The following DGKI variants were observed in gnomAD, a reference collection of about 807,000 sequenced individuals.
DGKI encodes diacylglycerol kinase iota.
DGKI carries 55 observed loss-of-function variants against 147.5 expected under a neutral mutation model. That is an observed-to-expected ratio of 0.37 (90% CI 0.30 to 0.47). DGKI has a LOEUF of 0.47. Ranked by LOEUF, DGKI falls within the 20% of genes least tolerant of loss-of-function variation. The pLI is 1.00. For synonymous variants in DGKI, 469 were observed against 477.1 expected (o/e 0.98, Z 0.22); for missense variants, 1,007 against 1,323.8 (o/e 0.76, Z 3.71).
chr7:137,455,395 G>A (rs1172191286), intron 27 of DGKI, among the ~76,000 whole-genome samples: 2 of 152,036 alleles, frequency 1.3e-5, no homozygotes, highest in African/African-American at 2.4e-5. Flanking sequence ...AAATGGGCTC[G>A]ACAGACTGTG....
Position 137,381,790 on chromosome 7 carries a change from G to A in DGKI, c.*9430C>T, listed in dbSNP as rs999616032. ...TTTTGGCCCCTGACTTTTCAAAGAT[G>A]TGTTTTGCAAAATATTCTGTTGTGT... On this transcript the variant is annotated 3_prime_UTR_variant, in exon 33 of 33. Transcript: ENST00000614521. The A allele has an allele frequency of 4.6e-5, 7 of 152,074 alleles. No homozygotes were observed. The highest frequency in any genetic ancestry group is 1.7e-4 in the African/African-American group (7 of 41,422). The allele number at this position is 152,074 out of a possible 1,614,324, so 9.4% of individuals were successfully genotyped here. A position where few individuals can be genotyped will look rare whatever the true frequency, so the allele number is the denominator to read the frequency against.
intron 2 of DGKI, among the ~76,000 whole-genome samples, chr7:137,682,505 A>C (rs1302640070): frequency 6.6e-6 from 1 of 152,162 alleles, no homozygotes; most frequent in African/African-American, 2.4e-5. Flanking sequence ...TAAAACAAGA[A>C]GTTAATAGAT....
chr7:137,679,513 G>T (rs534445000), intron 2 of DGKI, among the ~76,000 whole-genome samples: 2 of 151,200 alleles, frequency 1.3e-5, no homozygotes, highest in East Asian at 3.9e-4. Flanking sequence ...TTGCTCATTT[G>T]CTTAAAAGGA....
chr7:137,463,524 T>C lies in DGKI; in HGVS notation c.2700A>G (p.Ser900=). The C allele has an allele frequency of 6.2e-7, 1 of 1,614,202 alleles. No individual in the cohort carries two copies. The highest frequency in any genetic ancestry group is 8.5e-7 in the Non-Finnish European group (1 of 1,180,036). ...GGGAGTGGCTGAGATCTTTCAGATC[T>C]GAGTCCTCATAATAGGGAGCTATCA... ...LGMIAPYYED[S]DLKDLSHSRV... The change falls in exon 27 of 33, where the codon TCA becomes TCG. Residue 900 remains serine, a synonymous_variant. Coordinates refer to ENST00000614521, the MANE Select transcript of DGKI (RefSeq NM_001321708.2).
At chr7:137,457,676 T>C (rs1054801521) in intron 27 of DGKI, among the ~76,000 whole-genome samples, 3 of 152,210 alleles carry the variant, frequency 2.0e-5, no homozygotes, top group African/African-American at 7.2e-5. Context: ...AAATAATTTC[T>C]CGGTTGTCCA....
At chr7:137,589,006 T>C (rs1819515883) in intron 12 of DGKI, among the ~76,000 whole-genome samples, 1 of 152,132 alleles carries the variant, frequency 6.6e-6, no homozygotes, top group African/African-American at 2.4e-5. Context: ...GCCAACCCCT[T>C]AACTGCTAAG....
chr7:137,802,459 G>C (rs374794045), intron 1 of DGKI, among the ~76,000 whole-genome samples: 1 of 152,096 alleles, frequency 6.6e-6, no homozygotes, highest in Non-Finnish European at 1.5e-5. Context: ...ACTTATTGCT[G>C]ACTTTCTTTG....
intron 30 of DGKI, among the ~76,000 whole-genome samples, chr7:137,399,101 T>A (rs1328437655): frequency 1.3e-5 from 2 of 151,586 alleles, no homozygotes; most frequent in Non-Finnish European, 2.9e-5. Context: ...GCCACCTATC[T>A]AAATCTGACA....
intron 23 of DGKI, among the ~76,000 whole-genome samples, chr7:137,481,769 T>C (rs1369133994): frequency 6.6e-6 from 1 of 152,134 alleles, no homozygotes; most frequent in Admixed American, 6.6e-5. Flanking sequence ...TACACCTTTC[T>C]AAATGCTGCT....
intron 8 of DGKI, among the ~76,000 whole-genome samples, chr7:137,613,911 T>G (rs1039615414): frequency 3.3e-5 from 5 of 152,168 alleles, no homozygotes; most frequent in African/African-American, 1.2e-4. Flanking sequence ...GTATTTCTTC[T>G]GTGGGTGCAT....
chr7:137,667,269 C>T (rs1822671600), intron 3 of DGKI, among the ~76,000 whole-genome samples: 1 of 152,102 alleles, frequency 6.6e-6, no homozygotes, highest in Non-Finnish European at 1.5e-5. Context: ...CATTAGAGCC[C>T]TACACACATA....
intron 3 of DGKI, among the ~76,000 whole-genome samples, chr7:137,669,387 G>C (rs1822762118): frequency 6.6e-6 from 1 of 152,170 alleles, no homozygotes; most frequent in Admixed American, 6.5e-5. Context: ...TAAGCAACAG[G>C]AATACTGGTT....
intron 1 of DGKI, among the ~76,000 whole-genome samples, chr7:137,753,360 C>G (rs895594337): frequency 5.9e-5 from 9 of 152,174 alleles, no homozygotes; most frequent in Non-Finnish European, 8.8e-5. Flanking sequence ...TAAACTCAGC[C>G]GGGATCCCTG....
intron 23 of DGKI, among the ~76,000 whole-genome samples, chr7:137,473,832 A>G (rs1815073375): frequency 6.6e-6 from 1 of 152,200 alleles, no homozygotes; most frequent in Non-Finnish European, 1.5e-5. Context: ...AAATGTATTT[A>G]TATTTACCAT....
intron 21 of DGKI, among the ~76,000 whole-genome samples, chr7:137,491,727 G>C (rs1381540770): frequency 6.6e-6 from 1 of 152,132 alleles, no homozygotes; most frequent in Non-Finnish European, 1.5e-5. Context: ...AAACATGAAA[G>C]AACTTGTGCT....
intron 28 of DGKI, among the ~76,000 whole-genome samples, chr7:137,441,346 G>A (rs191747776): frequency 1.5e-3 from 219 of 149,880 alleles, no homozygotes; most frequent in South Asian, 4.9e-3. Flanking sequence ...GTGTGAACCC[G>A]GGAAGCAGAG....
At chr7:137,695,336 A>G in intron 1 of DGKI, among the ~76,000 whole-genome samples, 1 of 152,214 alleles carries the variant, frequency 6.6e-6, no homozygotes, top group East Asian at 1.9e-4. Flanking sequence ...CCGAATGTCT[A>G]TTTTATGCCA....
At chr7:137,497,656 C>G (rs1194685101) in intron 21 of DGKI, among the ~76,000 whole-genome samples, 1 of 152,058 alleles carries the variant, frequency 6.6e-6, no homozygotes, top group East Asian at 1.9e-4. Context: ...ATGGATGGAG[C>G]TGGAGGCCAT....
chr7:137,702,609 C>T (rs1222271495), intron 1 of DGKI, among the ~76,000 whole-genome samples: 1 of 152,132 alleles, frequency 6.6e-6, no homozygotes, highest in African/African-American at 2.4e-5. Flanking sequence ...TTGCCCTATC[C>T]CCATCCTTAT....
Sources: allele counts gnomAD v4.1 joint callset (sites outside exome capture counted in the v4.1 genomes callset), GRCh38; gene constraint gnomAD v4.1.1; transcripts MANE v1.5; gene names NCBI Gene and HGNC (gene_info 2026-07-23, HGNC 2026-07-21).